The following CCDC15 variants were observed in gnomAD, a reference collection of about 807,000 sequenced individuals.
CCDC15 encodes coiled-coil domain-containing protein 15.
CCDC15 carries 105 observed loss-of-function variants against 114.5 expected under a neutral mutation model. The observed-to-expected ratio is 0.92, with a 90% confidence interval of 0.78 to 1.08. The LOEUF is 1.08. Ranked by LOEUF, CCDC15 falls within the 50% of genes least tolerant of loss-of-function variation. CCDC15 has a pLI of 0.00. For missense variants in CCDC15, 1,105 were observed against 1,093.6 expected (o/e 1.01, Z -0.15); for synonymous variants, 334 against 377.8 (o/e 0.88, Z 1.34).
chr11:124,986,464 C>T (rs1350602129), intron 6 of CCDC15, among the ~76,000 whole-genome samples: 1 of 152,180 alleles, frequency 6.6e-6, no homozygotes, highest in East Asian at 1.9e-4. Context: ...TCTCTTGATC[C>T]ATGAACATGT....
rs768730853 is a variant in CCDC15, at chr11:124,987,580, A to G, written c.1354A>G (p.Arg452Gly). The change falls in exon 8 of 16, where the codon AGA becomes GGA. Residue 452 changes from arginine to glycine, a missense_variant. Transcript: ENST00000344762. Reference protein sequence around the residue: ...LKYQDQDFLPRDQHVLHKDQD... With the variant: ...LKYQDQDFLPGDQHVLHKDQD... ...ATATCAGGACCAGGACTTCCTACCCAGAGACCAGCATGTTCTCCACAAAGA... is the reference window on the plus strand; with the variant it reads ...ATATCAGGACCAGGACTTCCTACCCGGAGACCAGCATGTTCTCCACAAAGA... The G allele has an allele frequency of 6.2e-7, 1 of 1,614,042 alleles. No individual in the cohort carries two copies. Among genetic ancestry groups the G allele is most frequent in the Non-Finnish European group, 8.5e-7 (1 of 1,179,894 alleles).
intron 4 of CCDC15, among the ~76,000 whole-genome samples, chr11:124,967,445 C>T (rs1040922652): frequency 6.6e-6 from 1 of 152,176 alleles, no homozygotes; most frequent in African/African-American, 2.4e-5. Flanking sequence ...CTTGTGCATT[C>T]GTCACGTAGT....
chr11:124,957,419 GT>G (rs1162568631), intron 2 of CCDC15, among the ~76,000 whole-genome samples: 3 of 152,206 alleles, frequency 2.0e-5, no homozygotes, highest in Non-Finnish European at 2.9e-5. Flanking sequence ...TGGCTTCTCT[GT>G]TTGACTAACT....
At chr11:125,037,827 C>T (rs543491852) in intron 13 of CCDC15, among the ~76,000 whole-genome samples, 1 of 151,982 alleles carries the variant, frequency 6.6e-6, no homozygotes, top group Admixed American at 6.5e-5. Context: ...CAAATGCGGT[C>T]CCTGTTACTC....
chr11:124,972,555 A>G (rs1947904212), intron 4 of CCDC15, among the ~76,000 whole-genome samples: 1 of 152,096 alleles, frequency 6.6e-6, no homozygotes, highest in Admixed American at 6.6e-5. Context: ...TAGTCTTTGT[A>G]TTAGTTTCTG....
At chr11:124,969,047 T>G (rs556523971) in intron 4 of CCDC15, among the ~76,000 whole-genome samples, 12 of 152,332 alleles carry the variant, frequency 7.9e-5, no homozygotes, top group Admixed American at 5.9e-4. Flanking sequence ...AGTATTTGAT[T>G]ATAGTTATCA....
At chr11:124,967,241 G>A (rs1947800168) in intron 4 of CCDC15, among the ~76,000 whole-genome samples, 1 of 152,120 alleles carries the variant, frequency 6.6e-6, no homozygotes, top group African/African-American at 2.4e-5. Context: ...TTTCCAACTT[G>A]GTTCCATTCT....
In CCDC15 at chr11:125,006,750, G is replaced by A. The variant is rs562428748; in HGVS notation, c.2411+1538G>A. On this transcript the variant is annotated intron_variant, in intron 13 of 15. Coordinates refer to ENST00000344762, the MANE Select transcript of CCDC15 (RefSeq NM_025004.3). Reference sequence around the variant, plus strand: ...TTTTTTTGCATGTGGATGTCCAGTTGTTCCAGCACCATTTGTTGAAAAGAC... The same window carrying A: ...TTTTTTTGCATGTGGATGTCCAGTTATTCCAGCACCATTTGTTGAAAAGAC... 2.1e-3 allele frequency among the ~76,000 whole-genome samples: 319 copies of A among 151,956 alleles called. 1 individual carries two copies. The highest frequency in any genetic ancestry group is 7.4e-3 in the African/African-American group (307 of 41,492).
chr11:124,962,297 G>A (rs1272175682), intron 4 of CCDC15, among the ~76,000 whole-genome samples: 1 of 152,192 alleles, frequency 6.6e-6, no homozygotes, highest in African/African-American at 2.4e-5. Context: ...ACACGTCTCA[G>A]TTTTCTCGTG....
At chr11:125,011,242 A>ATTTTTTT (rs558615124) in intron 13 of CCDC15, among the ~76,000 whole-genome samples, 4 of 143,532 alleles carry the variant, frequency 2.8e-5, no homozygotes, top group African/African-American at 5.2e-5. Context: ...TATTATTATT[A>ATTTTTTT]TTATTATTTT....
intron 11 of CCDC15, among the ~76,000 whole-genome samples, chr11:124,999,354 A>G (rs186052013): frequency 9.2e-4 from 140 of 152,170 alleles, no homozygotes; most frequent in Non-Finnish European, 1.6e-3. Flanking sequence ...AAATTTTTTT[A>G]TGTACTAATT....
intron 15 of CCDC15, among the ~76,000 whole-genome samples, chr11:125,039,831 T>C (rs1420696836): frequency 2.0e-5 from 3 of 152,218 alleles, no homozygotes; most frequent in Non-Finnish European, 2.9e-5. Flanking sequence ...TCTAGCCTTA[T>C]CAAAGTTGCT....
chr11:124,965,774 A>C lies in CCDC15; in HGVS notation c.516+5771A>C, dbSNP rs1232240557. Among the ~76,000 whole-genome samples the C allele has an allele frequency of 2.6e-5, 4 of 152,166 alleles. No homozygotes were observed. In the South Asian group the frequency reaches 8.3e-4, roughly 31 times the overall value. On this transcript the variant is annotated intron_variant, in intron 4 of 15. Transcript: ENST00000344762. Reference sequence around the variant, plus strand: ...ATCTTTCCTGCTTTTTCTTGTGGGCATTTAGTGCTATAAATTTCCCTCTAC... The same window carrying C: ...ATCTTTCCTGCTTTTTCTTGTGGGCCTTTAGTGCTATAAATTTCCCTCTAC...
intron 13 of CCDC15, among the ~76,000 whole-genome samples, chr11:125,034,559 G>T (rs1325441633): frequency 1.3e-5 from 2 of 152,128 alleles, no homozygotes; most frequent in African/African-American, 2.4e-5. Flanking sequence ...TCATCACTTT[G>T]TCCAGTGAAC....
At chr11:125,020,604 G>A (rs1948654768) in intron 13 of CCDC15, among the ~76,000 whole-genome samples, 1 of 151,884 alleles carries the variant, frequency 6.6e-6, no homozygotes, top group African/African-American at 2.4e-5. Context: ...TTTACTGAAA[G>A]CCTGATGCTA....
intron 6 of CCDC15, among the ~76,000 whole-genome samples, chr11:124,984,822 A>G (rs1248970262): frequency 2.0e-5 from 3 of 152,062 alleles, no homozygotes; most frequent in African/African-American, 7.2e-5. Flanking sequence ...TTGGCCCAGC[A>G]TCTGTGTCTT....
chr11:125,023,384 A>G (rs775061805), intron 13 of CCDC15, among the ~76,000 whole-genome samples: 48 of 152,162 alleles, frequency 3.2e-4, no homozygotes, highest in Non-Finnish European at 6.2e-4. Flanking sequence ...GAAAATATTT[A>G]TAAATCATAT....
At chr11:125,009,618 A>T (rs1054190409) in intron 13 of CCDC15, among the ~76,000 whole-genome samples, 2 of 152,180 alleles carry the variant, frequency 1.3e-5, no homozygotes, top group Non-Finnish European at 2.9e-5. Context: ...TAGTAAGTAT[A>T]GTACCCAATA....
chr11:125,001,429 A>G (rs903440286), intron 11 of CCDC15, among the ~76,000 whole-genome samples: 1 of 152,278 alleles, frequency 6.6e-6, no homozygotes, highest in Non-Finnish European at 1.5e-5. Context: ...TTGACCTATT[A>G]AAGTATACAG....
Sources: allele counts gnomAD v4.1 joint callset (sites outside exome capture counted in the v4.1 genomes callset), GRCh38; gene constraint gnomAD v4.1.1; transcripts MANE v1.5; gene names NCBI Gene and HGNC (gene_info 2026-07-23, HGNC 2026-07-21).